Variants in BOD1L1 observed in about 807,000 individuals in gnomAD.
BOD1L1 encodes biorientation of chromosomes in cell division protein 1-like 1.
BOD1L1 carries 86 observed loss-of-function variants against 240.7 expected under a neutral mutation model. The ratio of observed to expected loss-of-function variants is 0.36; its 90% CI spans 0.30 to 0.43. The LOEUF is 0.43. Among genes scored for constraint, BOD1L1 ranks in the 20% least tolerant of loss-of-function variants. The pLI, the probability that BOD1L1 is intolerant of heterozygous loss-of-function variation, is 1.00. For missense variants in BOD1L1, 3,554 were observed against 3,643.5 expected (o/e 0.98, Z 0.63); for synonymous variants, 1,268 against 1,272.3 (o/e 1.00, Z 0.07).
At position 13,587,716 on chromosome 4, in the gene BOD1L1, G is replaced by C. The variant is rs1713818858; in HGVS notation, c.8336C>G (p.Ser2779Cys). ...ATAAATACCTGGTTCATCTTCTGAAGAGAGATAATGCTGCTTTCTTTTTCT... is the reference window on the plus strand; with the variant it reads ...ATAAATACCTGGTTCATCTTCTGAACAGAGATAATGCTGCTTTCTTTTTCT... ...PKRKRKQHYLSSEDEPDDNPD... is the reference protein window; with the variant it reads ...PKRKRKQHYLCSEDEPDDNPD... The change falls in exon 16 of 26, where the codon TCT (serine) becomes TGT (cysteine). Residue 2779 changes from serine (S) to cysteine (C), a missense_variant. Coordinates refer to ENST00000040738, the MANE Select transcript of BOD1L1 (RefSeq NM_148894.3). 1 of 1,556,928 alleles carries C rather than the reference G, an allele frequency of 6.4e-7. No individual in the cohort carries two copies. The highest frequency in any genetic ancestry group is 8.7e-7 in the Non-Finnish European group (1 of 1,147,120).
rs752770744 is a variant in BOD1L1, at chr4:13,600,497, T to G, written c.6403A>C (p.Ser2135Arg). Residue 2135 changes from serine (S) to arginine (R), a missense_variant, in exon 10 of 26, where the codon AGT becomes CGT. Transcript: ENST00000040738. ...GDDSQLTASR[S>R]EEKDECAMIS... Reference sequence around the variant, plus strand: ...ATGGCACACTCATCTTTCTCTTCACTTCTGCTGGCAGTGAGTTGGCTGTCA... The same window carrying G: ...ATGGCACACTCATCTTTCTCTTCACGTCTGCTGGCAGTGAGTTGGCTGTCA... The G allele has an allele frequency of 6.2e-7, 1 of 1,613,972 alleles. No individual in the cohort carries two copies. Among genetic ancestry groups the G allele is most frequent in the South Asian group, 1.1e-5 (1 of 91,086 alleles).
chr4:13,612,207 T>A (rs1224572636), intron 5 of BOD1L1, among the ~76,000 whole-genome samples: 2 of 152,180 alleles, frequency 1.3e-5, no homozygotes, highest in African/African-American at 4.8e-5. Context: ...CATTGAGAAA[T>A]ACCTCTATGG....
chr4:13,621,101 A>C (rs1303813245), intron 1 of BOD1L1, among the ~76,000 whole-genome samples: 1 of 152,172 alleles, frequency 6.6e-6, no homozygotes, highest in East Asian at 1.9e-4. Flanking sequence ...AGAACCCTTG[A>C]TGTGCTCCCT....
Position 13,576,945 on chromosome 4 carries a change from T to G in BOD1L1, c.8931A>C (p.Pro2977=). The G allele has an allele frequency of 6.2e-7, 1 of 1,613,994 alleles. No homozygotes were observed. Among genetic ancestry groups the G allele is most frequent in the Non-Finnish European group, 8.5e-7 (1 of 1,179,870 alleles). Residue 2977 remains proline (P), a synonymous_variant, in exon 25 of 26, where the codon CCA becomes CCC. Coordinates refer to ENST00000040738, the MANE Select transcript of BOD1L1 (RefSeq NM_148894.3). ...ERKRQKSVSD[P]VEDKKEQESD... ...ACTCCTGCTCTTTCTTGTCCTCCAC[T>G]GGATCAGAAACTGATTTCTGGCGTT...
Position 13,595,099 on chromosome 4 carries a change from T to C in BOD1L1, c.8104+761A>G, listed in dbSNP as rs554723532. On this transcript the variant is annotated intron_variant, in intron 12 of 25. Transcript: ENST00000040738. The stretch of plus-strand genomic sequence containing the variant: ...TGCAAAACAATGTCACTTTTATCAC[T>C]TAATTGGGTTTTTTGGAAAATCTAG... Among the ~76,000 whole-genome samples, 7 of 152,362 alleles carry C rather than the reference T, an allele frequency of 4.6e-5. No individual in the cohort carries two copies. The East Asian group carries it at 1.2e-3, about 25-fold the overall frequency.
In BOD1L1 at chr4:13,620,087, G is replaced by T; in HGVS notation, c.244-20C>A. On this transcript the variant is annotated intron_variant, in intron 1 of 25. Coordinates refer to ENST00000040738, the MANE Select transcript of BOD1L1 (RefSeq NM_148894.3). ...CGCAGGCTAGAGAGAAAAAAACGAA[G>T]GTAAGTCTTCAAGGTTATACAGTAT... 1 of 1,584,340 alleles carries T rather than the reference G, an allele frequency of 6.3e-7. No homozygotes were observed. The highest frequency in any genetic ancestry group is 1.2e-5 in the South Asian group (1 of 86,866).
rs771558773 is a variant in BOD1L1 at position 13,600,905 on chromosome 4, T to C, written c.5995A>G (p.Ile1999Val). The C allele has an allele frequency of 3.0e-5, 49 of 1,613,832 alleles. No homozygotes were observed. The South Asian group carries it at 4.4e-4, about 14-fold the overall frequency. ...CTACCCCCGACCAGGCCAGTGGAAA[T>C]AGTGGTATCTTCAACTTTTTCGAGC... ...SQLEKVEDTT[I>V]STGLVGGSYD... The change falls in exon 10 of 26, where the codon ATT (isoleucine) becomes GTT (valine). Residue 1999 changes from isoleucine (I) to valine (V), a missense_variant. Transcript: ENST00000040738.
Position 13,608,610 on chromosome 4 carries a change from G to T in BOD1L1, c.1662C>A (p.Ala554=). The T allele has an allele frequency of 6.4e-7, 1 of 1,557,784 alleles. No homozygotes were observed. The highest frequency in any genetic ancestry group is 8.7e-7 in the Non-Finnish European group (1 of 1,152,700). The change falls in exon 8 of 26, where the codon GCC becomes GCA. Residue 554 remains alanine (A), a synonymous_variant. Coordinates refer to ENST00000040738, the MANE Select transcript of BOD1L1 (RefSeq NM_148894.3). ...SSTKSLEPKA[A]RIKEVLKERK... ...GTTCTTTAAGGACTTCTTTAATTCT[G>T]GCGGCTTTAGGTTCCAAACTCTTTG...
At chr4:13,616,151 G>A (rs1047191050) in intron 2 of BOD1L1, among the ~76,000 whole-genome samples, 1 of 152,168 alleles carries the variant, frequency 6.6e-6, no homozygotes, top group Non-Finnish European at 1.5e-5. Context: ...GCTGGCCACT[G>A]ACAGCTACAA....
chr4:13,580,205 T>G (rs1713113804), intron 21 of BOD1L1: 1 of 537,682 alleles, frequency 1.9e-6, no homozygotes, highest in East Asian at 3.2e-5. Context: ...GGATGAGAAG[T>G]GAGGCAATGC....
In BOD1L1 at chr4:13,581,195, T is replaced by A; in HGVS notation, c.8605A>T (p.Ile2869Leu). Residue 2869 changes from isoleucine to leucine, a missense_variant, in exon 20 of 26, where the codon ATA becomes TTA. Around this residue, in one of 2 missense-constraint regions of BOD1L1, gnomAD observed 3,393 missense variants for 3,427.1 expected, o/e 0.99. Transcript: ENST00000040738. ...TIKSQEEDQP[I>L]IIKRKRGRPR... Reference sequence around the variant, plus strand: ...CTTCCTCTTTTCCTTTTAATAATTATTGGCTGATCTTCCTAAGGGGGAAAT... The same window carrying A: ...CTTCCTCTTTTCCTTTTAATAATTAATGGCTGATCTTCCTAAGGGGGAAAT... 6.4e-7 allele frequency: 1 copy of A among 1,565,574 alleles called. No homozygotes were observed. The highest frequency in any genetic ancestry group is 8.7e-7 in the Non-Finnish European group (1 of 1,153,724).
At chr4:13,608,469 T>C in intron 8 of BOD1L1, 61 bp downstream of exon 8, 1 of 1,368,832 alleles carries the variant, frequency 7.3e-7, no homozygotes, top group Non-Finnish European at 9.5e-7. Flanking sequence ...CTTCAATTCC[T>C]CTCTTCTGAA....
chr4:13,595,774 T>G, intron 12 of BOD1L1, 86 bp downstream of exon 12: 2 of 985,130 alleles, frequency 2.0e-6, no homozygotes, highest in South Asian at 2.8e-5. Context: ...TATGTTACTA[T>G]GCATCAGCTA....
chr4:13,609,874 T>C (rs1716020087), intron 6 of BOD1L1, among the ~76,000 whole-genome samples: 1 of 152,160 alleles, frequency 6.6e-6, no homozygotes, highest in African/African-American at 2.4e-5. Flanking sequence ...TTGCTGGTTA[T>C]ATGCTTGGGA....
intron 19 of BOD1L1, 35 bp from the exon 20 acceptor site, chr4:13,581,242 GA>G (rs773491165): frequency 1.1e-5 from 16 of 1,419,304 alleles, no homozygotes; most frequent in Admixed American, 5.2e-5. Flanking sequence ...ACAGCAATAA[GA>G]AAAAAAATTT....
chr4:13,601,549 C>G lies in BOD1L1; in HGVS notation c.5351G>C (p.Gly1784Ala). ...SQEGDGSVND[G>A]TEGESAVTST... ...GGTGACTGCACTCTCACCTTCTGTA[C>G]CATCATTCACAGAACCATCTCCTTC... The change falls in exon 10 of 26, where the codon GGT becomes GCT. Residue 1784 changes from glycine to alanine, a missense_variant. Transcript: ENST00000040738. 1.2e-6 allele frequency: 2 copies of G among 1,614,022 alleles called. No homozygotes were observed. Among genetic ancestry groups the G allele is most frequent in the Non-Finnish European group, 8.5e-7 (1 of 1,179,904 alleles).
chr4:13,600,797 T>C lies in BOD1L1; in HGVS notation c.6103A>G (p.Ile2035Val). 6.2e-7 allele frequency: 1 copy of C among 1,613,978 alleles called. No individual in the cohort carries two copies. The highest frequency in any genetic ancestry group is 8.5e-7 in the Non-Finnish European group (1 of 1,179,882). ...SPSEKEDEDI[I>V]TSVENEECDG... ...CACTCTTCATTTTCTACAGAGGTGATGATGTCCTCATCTTCTTTTTCACTT... is the reference window on the plus strand; with the variant it reads ...CACTCTTCATTTTCTACAGAGGTGACGATGTCCTCATCTTCTTTTTCACTT... The change falls in exon 10 of 26, where the codon ATC becomes GTC. Residue 2035 changes from isoleucine to valine, a missense_variant. By Grantham distance (29) the Ile-to-Val change is conservative. Transcript: ENST00000040738.
chr4:13,573,474 T>TCTA (rs1560175491), intron 25 of BOD1L1, among the ~76,000 whole-genome samples: 1,239 of 23,790 alleles, frequency 0.052, 19 homozygotes, highest in African/African-American at 0.064. Context: ...CTATCTATCT[T>TCTA]TCTTTCTTTC....
At chr4:13,624,221 G>C (rs151001536) in intron 1 of BOD1L1, 43 of 152,078 alleles carry the variant, frequency 2.8e-4, no homozygotes, top group African/African-American at 8.9e-4. Context: ...TGGCAGGGAG[G>C]GGGAGAGAGA....
Sources: gnomAD v4.1 joint callset for allele counts (sites outside exome capture counted in the v4.1 genomes callset) on GRCh38, gnomAD v4.1.1 for gene constraint, gnomAD v4.1.1 regional missense constraint, MANE v1.5 for transcripts, NCBI Gene and HGNC (gene_info 2026-07-23, HGNC 2026-07-21) for gene names.